The following KDM4F variants were observed in gnomAD, a reference collection of about 807,000 sequenced individuals.
KDM4F encodes lysine demethylase 4F, also known as probable lysine-specific demethylase 4F.
For missense variants in KDM4F, 586 were observed against 496.4 expected (o/e 1.18, Z -1.71); for synonymous variants, 223 against 184.4 (o/e 1.21, Z -1.70).
chr11:95,050,122 G>A (rs185925825), exon 1 of KDM4F: 57 of 1,563,256 alleles, frequency 3.6e-5, no homozygotes, highest in East Asian at 2.7e-4. Flanking sequence ...AATTCCCGGG[G>A]CTGTGAGGGC....
At chr11:95,050,320 A>G (rs1019348560) in exon 1 of KDM4F, 70 of 1,319,830 alleles carry the variant, frequency 5.3e-5, no homozygotes, top group Non-Finnish European at 4.5e-5. Flanking sequence ...TGGATTGATT[A>G]TGGTAAAGTG....
chr11:95,049,681 A>G, exon 1 of KDM4F: 6 of 1,601,918 alleles, frequency 3.7e-6, no homozygotes, highest in Non-Finnish European at 5.1e-6. Flanking sequence ...ACTCAATACC[A>G]TAAAAAGAAG....
exon 1 of KDM4F, chr11:95,049,938 A>G: frequency 1.9e-6 from 3 of 1,613,932 alleles, no homozygotes; most frequent in South Asian, 1.1e-5. Context: ...CGAGGGTGTC[A>G]ACACACCCTA....
At chr11:95,050,064 G>A (rs767298213) in exon 1 of KDM4F, 56 of 1,602,240 alleles carry the variant, frequency 3.5e-5, no homozygotes, top group Non-Finnish European at 4.5e-5. Flanking sequence ...GGTGCCCCCA[G>A]AACATGGTCA....
exon 1 of KDM4F, chr11:95,050,399 A>G (rs1351800435): frequency 1.1e-6 from 1 of 894,360 alleles, no homozygotes; most frequent in East Asian, 2.4e-5. Context: ...GCATCCTGCA[A>G]CCCGAGAGCT....
chr11:95,050,985 C>T lies in KDM4F; in HGVS notation c.1564C>T (p.Pro522Ser), dbSNP rs370414461. 3.9e-4 allele frequency: 180 copies of T among 460,108 alleles called. No homozygotes were observed. The East Asian group carries it at 5.5e-3, about 14-fold the overall frequency. 28.5% of individuals were successfully genotyped at this position (460,108 alleles called of 1,614,324 possible). A position where few individuals can be genotyped will look rare whatever the true frequency, so the allele number is the denominator to read the frequency against. ...GGGGCCCCCACTGGATCCTGATGAACCCATGCACCCTGGCCCCTGCCTGCT... is the reference window on the plus strand; with the variant it reads ...GGGGCCCCCACTGGATCCTGATGAATCCATGCACCCTGGCCCCTGCCTGCT... Residue 522 changes from proline (P) to serine (S), a missense_variant, in exon 1 of 1, where the codon CCC becomes TCC. By Grantham distance (74) the Pro-to-Ser change is moderately conservative (BLOSUM62 -1). Coordinates refer to ENST00000545950, the Ensembl canonical transcript of KDM4F.
At chr11:95,049,972 C>A in exon 1 of KDM4F, 1 of 1,614,214 alleles carries the variant, frequency 6.2e-7, no homozygotes, top group Non-Finnish European at 8.5e-7. Context: ...ATGTGGAAGA[C>A]CACGTTTGCT....
At chr11:95,050,062 C>T (rs1199027968) in exon 1 of KDM4F, 1 of 1,602,446 alleles carries the variant, frequency 6.2e-7, no homozygotes, top group Middle Eastern at 1.7e-4. Context: ...GTGGTGCCCC[C>T]AGAACATGGT....
At chr11:95,049,736 A>G in exon 1 of KDM4F, 1 of 1,605,574 alleles carries the variant, frequency 6.2e-7, no homozygotes, top group Non-Finnish European at 8.5e-7. Context: ...CAAACAGTAA[A>G]AAATATCAGA....
exon 1 of KDM4F, chr11:95,050,000 G>A: frequency 6.2e-7 from 1 of 1,614,152 alleles, no homozygotes. Flanking sequence ...CGGAGGACAT[G>A]GACCTTTACA....
At chr11:95,049,630 C>T in exon 1 of KDM4F, 1 of 1,599,278 alleles carries the variant, frequency 6.3e-7, no homozygotes. Flanking sequence ...TTAATAGCCA[C>T]TCCCCTCCAG....
At chr11:95,050,571 C>T (rs567871270) in exon 1 of KDM4F, 29 of 676,906 alleles carry the variant, frequency 4.3e-5, no homozygotes, top group East Asian at 2.1e-4. Context: ...CTGTCCCACA[C>T]GGACTGTGGC....
chr11:95,050,957 C>A, exon 1 of KDM4F: 1 of 477,224 alleles, frequency 2.1e-6, no homozygotes, highest in East Asian at 3.3e-5. Context: ...ATCTTCAACC[C>A]CTGGGGCCCC....
rs567871270 is a variant in KDM4F at position 95,050,571 on chromosome 11, C to A, written c.1150C>A (p.Arg384=). 13 of 677,026 alleles carry A rather than the reference C, an allele frequency of 1.9e-5. No individual in the cohort carries two copies. The Admixed American group carries it at 2.6e-4, about 13-fold the overall frequency. 41.9% of individuals were successfully genotyped at this position (677,026 alleles called of 1,614,324 possible). A position where few individuals can be genotyped will look rare whatever the true frequency, so the allele number is the denominator to read the frequency against. ...GAACCACATAACCAGCTGTCCCACA[C>A]GGACTGTGGCCCCAAGGCTCTGTTA... The change falls in exon 1 of 1, where the codon CGG becomes AGG. Residue 384 remains arginine (R), a synonymous_variant. Coordinates refer to ENST00000545950, the Ensembl canonical transcript of KDM4F.
In KDM4F at chr11:95,050,180, G is replaced by C. The variant is rs558080444; in HGVS notation, c.759G>C (p.Lys253Asn). 33 of 1,548,528 alleles carry C rather than the reference G, an allele frequency of 2.1e-5. 1 individual carries two copies. The South Asian group carries it at 3.7e-4, about 17-fold the overall frequency. Reference sequence around the variant, plus strand: ...TCATCTCGCCTACAGTTCTCAAAAAGAATGGGATCCCCTTCAATCGCATGA... The same window carrying C: ...TCATCTCGCCTACAGTTCTCAAAAACAATGGGATCCCCTTCAATCGCATGA... Residue 253 changes from lysine to asparagine, a missense_variant, in exon 1 of 1, where the codon AAG becomes AAC. Physicochemically the swap from Lys to Asn is moderately conservative, Grantham distance 94. Coordinates refer to ENST00000545950, the Ensembl canonical transcript of KDM4F.
exon 1 of KDM4F, chr11:95,050,227 T>C: frequency 6.4e-7 from 1 of 1,557,336 alleles, no homozygotes; most frequent in Non-Finnish European, 8.9e-7. Context: ...GGGGAGTTCA[T>C]GGTGACTTTT....
At chr11:95,050,409 T>TC in the KDM4F span, 1 of 873,720 alleles carries the variant, frequency 1.1e-6, no homozygotes, top group Non-Finnish European at 1.9e-6. Flanking sequence ...ACCCGAGAGC[T>TC]ATGAGCTCTG....
At chr11:95,049,684 A>G in exon 1 of KDM4F, 2 of 1,602,104 alleles carry the variant, frequency 1.2e-6, no homozygotes, top group African/African-American at 1.3e-5. Context: ...CAATACCATA[A>G]AAAGAAGAAA....
At chr11:95,049,963 T>C (rs1162504261) in exon 1 of KDM4F, 2 of 1,614,246 alleles carry the variant, frequency 1.2e-6, no homozygotes, top group Non-Finnish European at 1.7e-6. Context: ...TACTTTGGCA[T>C]GTGGAAGACC....
Sources: gnomAD v4.1 joint callset for allele counts on GRCh38, gnomAD v4.1.1 for gene constraint, MANE v1.5 for transcripts, NCBI Gene and HGNC (gene_info 2026-07-23, HGNC 2026-07-21) for gene names.